The following RPAP1 variants were observed in gnomAD, a reference collection of about 807,000 sequenced individuals.
RPAP1 encodes RNA polymerase II-associated protein 1.
In RPAP1, 109 loss-of-function variants were observed where a neutral mutation model predicts 142.4. The ratio of observed to expected loss-of-function variants is 0.77; its 90% CI spans 0.66 to 0.90. RPAP1 has a LOEUF of 0.90. RPAP1 is among the 40% of genes least tolerant of loss of function. The pLI, the probability that RPAP1 is intolerant of heterozygous loss-of-function variation, is 0.00. For missense variants in RPAP1, 1,546 were observed against 1,751.7 expected, an observed-to-expected ratio of 0.88 and a Z score of 2.10; for synonymous variants, 704 against 738.9, an observed-to-expected ratio of 0.95 and a Z score of 0.77.
At chr15:41,529,035 G>C (rs1302458346) in intron 9 of RPAP1, among the ~76,000 whole-genome samples, 1 of 152,154 alleles carries the variant, frequency 6.6e-6, no homozygotes. Flanking sequence ...AGAATACGGA[G>C]AGAGGATCAA....
At chr15:41,530,320 C>T (rs1428599940) in intron 7 of RPAP1, among the ~76,000 whole-genome samples, 1 of 152,146 alleles carries the variant, frequency 6.6e-6, no homozygotes, top group Non-Finnish European at 1.5e-5. Context: ...GCACCATCTC[C>T]ACTTTCCAGT....
intron 5 of RPAP1, 40 bp downstream of exon 5, chr15:41,535,472 T>C (rs754284252): frequency 1.3e-6 from 2 of 1,557,340 alleles, no homozygotes; most frequent in Admixed American, 4.3e-5. Context: ...ATTGTGTCTT[T>C]TAAAAAGGCC....
At chr15:41,540,498 T>C (rs1374085697) in intron 1 of RPAP1, among the ~76,000 whole-genome samples, 1 of 152,066 alleles carries the variant, frequency 6.6e-6, no homozygotes, top group Non-Finnish European at 1.5e-5. Context: ...ACTGGGTTTC[T>C]CCATGTTGGT....
chr15:41,522,433 C>G (rs543551796), intron 19 of RPAP1, 183 bp from the exon 20 acceptor site: 183 of 634,948 alleles, frequency 2.9e-4, no homozygotes, highest in Non-Finnish European at 8.2e-6. Flanking sequence ...TCTTGTTGCC[C>G]AGGCTGCAGT....
chr15:41,525,948 C>G (rs2051786512), intron 14 of RPAP1, among the ~76,000 whole-genome samples: 1 of 151,410 alleles, frequency 6.6e-6, no homozygotes, highest in African/African-American at 2.4e-5. Flanking sequence ...GCCACCGCGC[C>G]CGGCCCTATT....
At position 41,526,924 on chromosome 15, in the gene RPAP1, C is replaced by A. The variant is rs145467106; in HGVS notation, c.1891G>T (p.Ala631Ser). The change falls in exon 14 of 25, where the codon GCT becomes TCT. Residue 631 changes from alanine (A) to serine (S), a missense_variant. Physicochemically the swap from Ala to Ser is moderately conservative, Grantham distance 99 (BLOSUM62 1). This residue lies in a region of RPAP1 where 1,333 missense variants were observed against 1,486.6 expected (regional missense o/e 0.90). Coordinates refer to ENST00000304330, the MANE Select transcript of RPAP1 (RefSeq NM_015540.4). ...AGCCGGGCAGCAATATTCCTCCCAG[C>A]TGAGGCCAGGACACGAAGTAGTTTC... ...AMKLLRVLAS[A>S]GRNIAARLLS... 1.2e-6 allele frequency: 2 copies of A among 1,613,660 alleles called. 1 individual carries two copies. The highest frequency in any genetic ancestry group is 2.2e-5 in the South Asian group (2 of 91,042).
At chr15:41,522,452 G>A (rs1273757819) in intron 19 of RPAP1, 4 of 607,104 alleles carry the variant, frequency 6.6e-6, no homozygotes, top group Admixed American at 6.0e-5. Flanking sequence ...GTGCAATGGT[G>A]TGATCTCAGC....
intron 21 of RPAP1, among the ~76,000 whole-genome samples, chr15:41,521,406 G>A (rs1369158050): frequency 6.6e-6 from 1 of 152,212 alleles, no homozygotes; most frequent in African/African-American, 2.4e-5. Context: ...CTATCTCATG[G>A]TCCAAGTAAA....
At chr15:41,528,609 G>A (rs1003062458) in intron 9 of RPAP1, among the ~76,000 whole-genome samples, 3 of 152,166 alleles carry the variant, frequency 2.0e-5, no homozygotes, top group Admixed American at 2.0e-4. Flanking sequence ...CAGTGGATGG[G>A]TAGAGCTTTG....
intron 2 of RPAP1, 33 bp from the exon 3 acceptor site, chr15:41,536,682 T>C (rs767420966): frequency 1.2e-6 from 2 of 1,607,300 alleles, no homozygotes; most frequent in South Asian, 1.1e-5. Flanking sequence ...CGTGAGTATA[T>C]GCACACCTTC....
intron 3 of RPAP1, 61 bp from the exon 4 acceptor site, chr15:41,536,279 G>A (rs1037335387): frequency 2.1e-5 from 31 of 1,498,270 alleles, no homozygotes; most frequent in African/African-American, 1.9e-4. Context: ...GGCTGGACCC[G>A]ATCCTATTAG....
At position 41,537,219 on chromosome 15, in the gene RPAP1, T is replaced by C; in HGVS notation, c.-76-18A>G. 1 of 1,251,978 alleles carries C rather than the reference T, an allele frequency of 8.0e-7. No homozygotes were observed. Among genetic ancestry groups the C allele is most frequent in the Non-Finnish European group, 1.1e-6 (1 of 898,340 alleles). The allele number at this position is 1,251,978 out of a possible 1,614,324, so 77.6% of individuals were successfully genotyped here. On this transcript the variant is annotated intron_variant, in intron 1 of 24. Coordinates refer to ENST00000304330, the MANE Select transcript of RPAP1 (RefSeq NM_015540.4). ...ATTCATCCCTAAGAGCAAGAAAGAA[T>C]ATGGGCCCTCTGCAACTGAACCCTG...
intron 6 of RPAP1, among the ~76,000 whole-genome samples, chr15:41,531,909 G>A (rs11070335): frequency 0.42 from 63,169 of 151,588 alleles, 14,686 homozygotes; most frequent in South Asian, 0.52. Flanking sequence ...ATGCTGGAGT[G>A]CAGTGGCACA....
chr15:41,527,577 T>C lies in RPAP1; in HGVS notation c.1457A>G (p.Tyr486Cys), dbSNP rs1246631601. Reference sequence around the variant, plus strand: ...CAGAGGGAACGTCAAAGCTCCATGGTACCAAGAGAAGGTGCTGTCGAGGAG... The same window carrying C: ...CAGAGGGAACGTCAAAGCTCCATGGCACCAAGAGAAGGTGCTGTCGAGGAG... ...EELLDSTFSW[Y>C]HGALTFPLMP... The change falls in exon 12 of 25, where the codon TAC (tyrosine) becomes TGC (cysteine). Residue 486 changes from tyrosine (Y) to cysteine (C), a missense_variant. By Grantham distance (194) the Tyr-to-Cys change is radical. Around this residue, in one of 3 missense-constraint regions of RPAP1, gnomAD observed 1,333 missense variants for 1,486.6 expected, o/e 0.90. Transcript: ENST00000304330. 3.1e-6 allele frequency: 5 copies of C among 1,613,822 alleles called. No individual in the cohort carries two copies. The highest frequency in any genetic ancestry group is 4.2e-6 in the Non-Finnish European group (5 of 1,179,906).
chr15:41,536,767 A>C, intron 2 of RPAP1, 118 bp from the exon 3 acceptor site: 1 of 1,430,960 alleles, frequency 7.0e-7, no homozygotes, highest in Non-Finnish European at 9.4e-7. Context: ...CATCTTGGGT[A>C]AGATATTTAA....
At chr15:41,523,125 G>A (rs2051748114) in intron 18 of RPAP1, 120 bp downstream of exon 18, 1 of 938,602 alleles carries the variant, frequency 1.1e-6, no homozygotes, top group African/African-American at 1.7e-5. Flanking sequence ...AGGGACTCGG[G>A]TTTCCCTCGG....
At position 41,531,216 on chromosome 15, in the gene RPAP1, T is replaced by C; in HGVS notation, c.764-14A>G. 6.2e-7 allele frequency: 1 copy of C among 1,602,040 alleles called. No homozygotes were observed. Among genetic ancestry groups the C allele is most frequent in the Non-Finnish European group, 8.5e-7 (1 of 1,170,214 alleles). Reference sequence around the variant, plus strand: ...CCAAGCTGGGGTCTAGAGGCGAAGGTAGAGGGGAGAGTGAGTGAGGGTAGA... The same window carrying C: ...CCAAGCTGGGGTCTAGAGGCGAAGGCAGAGGGGAGAGTGAGTGAGGGTAGA... On this transcript the variant is annotated splice_polypyrimidine_tract_variant and intron_variant, in intron 6 of 24. Transcript: ENST00000304330.
Position 41,521,094 on chromosome 15 carries a change from A to G in RPAP1, c.3092T>C (p.Leu1031Ser). The G allele has an allele frequency of 6.6e-7, 1 of 1,523,816 alleles. No homozygotes were observed. The allele number at this position is 1,523,816 out of a possible 1,614,324, so 94.4% of individuals were successfully genotyped here. A position where few individuals can be genotyped will look rare whatever the true frequency, so the allele number is the denominator to read the frequency against. ...EAADFSDQLS[L>S]GSSRVPRCGQ... ...ACACCGAGGGACCCTGCTGCTTCCT[A>G]ACGACAGCTGGTCAGAGAAGTCGGC... The change falls in exon 22 of 25, where the codon TTA (leucine) becomes TCA (serine). Residue 1031 changes from leucine to serine, a missense_variant. By Grantham distance (145) the Leu-to-Ser change is moderately radical. Around this residue, in one of 3 missense-constraint regions of RPAP1, gnomAD observed 1,333 missense variants for 1,486.6 expected, o/e 0.90. Coordinates refer to ENST00000304330, the MANE Select transcript of RPAP1 (RefSeq NM_015540.4).
chr15:41,523,432 A>C, intron 17 of RPAP1, 78 bp from the exon 18 acceptor site: 1 of 937,594 alleles, frequency 1.1e-6, no homozygotes. Context: ...GGCCAATGCC[A>C]CCATCCCAAC....
Sources: allele counts gnomAD v4.1 joint callset (sites outside exome capture counted in the v4.1 genomes callset), GRCh38; gene constraint gnomAD v4.1.1; regional missense constraint gnomAD v4.1.1; transcripts MANE v1.5; gene names NCBI Gene and HGNC (gene_info 2026-07-23, HGNC 2026-07-21).